The following PDGFD variants were observed in gnomAD, a reference collection of about 807,000 sequenced individuals.
PDGFD encodes the protein platelet derived growth factor D, also known as platelet-derived growth factor D.
A neutral mutation model predicts 44.7 loss-of-function variants in PDGFD; 30 were observed. The observed-to-expected ratio is 0.67, with a 90% CI of 0.50 to 0.91. PDGFD has a LOEUF of 0.91. Ranked by LOEUF, PDGFD falls within the 40% of genes least tolerant of loss-of-function variation. The pLI is 0.00. For missense variants in PDGFD, 445 were observed against 457.8 expected (o/e 0.97, Z 0.25); for synonymous variants, 173 against 168.4 (o/e 1.03, Z -0.21).
chr11:103,926,810 T>C, intron 6 of PDGFD, 102 bp downstream of exon 6: 1 of 1,211,080 alleles, frequency 8.3e-7, no homozygotes, highest in Non-Finnish European at 1.2e-6. Context: ...CCTGGCTGGG[T>C]GCCCTTGTGC....
intron 1 of PDGFD, among the ~76,000 whole-genome samples, chr11:104,006,430 A>G (rs1859702490): frequency 6.6e-6 from 1 of 152,200 alleles, no homozygotes; most frequent in African/African-American, 2.4e-5. Context: ...TCCTTGACTG[A>G]CAACCTGTTG....
chr11:104,035,133 C>A (rs1309928021), intron 1 of PDGFD, among the ~76,000 whole-genome samples: 1 of 151,986 alleles, frequency 6.6e-6, no homozygotes, highest in Non-Finnish European at 1.5e-5. Context: ...TCTAGGGTGG[C>A]ATCCTTAATG....
At chr11:103,981,792 G>C (rs758875981) in intron 3 of PDGFD, among the ~76,000 whole-genome samples, 2 of 151,726 alleles carry the variant, frequency 1.3e-5, no homozygotes, top group Non-Finnish European at 2.9e-5. Flanking sequence ...CCAGAGACCT[G>C]TGACAATTAT....
intron 1 of PDGFD, among the ~76,000 whole-genome samples, chr11:104,004,872 C>CTTTTTTTTTTTTTT (rs33979812): frequency 2.8e-5 from 2 of 71,892 alleles, no homozygotes; most frequent in Admixed American, 2.4e-4. Context: ...TTATTACCAC[C>CTTTTTTTTTTTTTT]TTTTTTTTTT....
rs1235495663 is a variant in PDGFD at position 103,943,735 on chromosome 11, T to C, written c.574-85A>G. The C allele has an allele frequency of 2.6e-6, 3 of 1,140,530 alleles. No individual in the cohort carries two copies. The East Asian group carries it at 7.7e-5, about 29-fold the overall frequency. The allele number at this position is 1,140,530 out of a possible 1,614,324, so 70.7% of individuals were successfully genotyped here. On this transcript the variant is annotated intron_variant, in intron 4 of 6. Coordinates refer to ENST00000393158, the MANE Select transcript of PDGFD (RefSeq NM_025208.5). ...GTCATTCAACTATACGGAAGGAACA[T>C]AAACAGGCTTCTGAGTATAAGACAT... is the stretch of plus-strand genomic sequence containing the variant.
chr11:104,004,736 T>C (rs1454002250), intron 1 of PDGFD, among the ~76,000 whole-genome samples: 1 of 152,126 alleles, frequency 6.6e-6, no homozygotes, highest in Non-Finnish European at 1.5e-5. Flanking sequence ...ATTATGCTTA[T>C]TTTGTGCCTG....
chr11:103,912,877 A>G (rs10895537), intron 6 of PDGFD, among the ~76,000 whole-genome samples: 59,782 of 151,706 alleles, frequency 0.39, 11,982 homozygotes, highest in African/African-American at 0.45. Context: ...AGATCAAAAG[A>G]GACAAAGAAG....
chr11:104,027,527 A>G (rs1333072766), intron 1 of PDGFD, among the ~76,000 whole-genome samples: 1 of 152,248 alleles, frequency 6.6e-6, no homozygotes, highest in South Asian at 2.1e-4. Context: ...CATTTTACAT[A>G]AGAGGATAAT....
chr11:103,962,418 G>C (rs944358984), intron 3 of PDGFD, among the ~76,000 whole-genome samples: 1 of 152,140 alleles, frequency 6.6e-6, no homozygotes, highest in African/African-American at 2.4e-5. Context: ...ATTACTAAAA[G>C]CTATGTCTAA....
chr11:103,980,943 C>A (rs1259089569), intron 3 of PDGFD, among the ~76,000 whole-genome samples: 1 of 152,012 alleles, frequency 6.6e-6, no homozygotes, highest in Non-Finnish European at 1.5e-5. Flanking sequence ...CTATAAGCCA[C>A]GAAGTCTAAG....
chr11:104,070,215 G>A (rs1860854636), intron 1 of PDGFD, among the ~76,000 whole-genome samples: 1 of 152,142 alleles, frequency 6.6e-6, no homozygotes, highest in South Asian at 2.1e-4. Flanking sequence ...ACGGTATTTA[G>A]AACCCACAAC....
rs553556920 is a variant in PDGFD, at chr11:104,033,331, C to T, written c.125-33076G>A. Among the ~76,000 whole-genome samples the T allele has an allele frequency of 1.4e-4, 21 of 152,172 alleles. No homozygotes were observed. In the South Asian group the frequency reaches 1.7e-3, roughly 12 times the overall value. ...TGGATGGGTGGCTGGACTATGGAATCCAAGGGATCCCTGCCAACCCTGACA... is the reference window on the plus strand; with the variant it reads ...TGGATGGGTGGCTGGACTATGGAATTCAAGGGATCCCTGCCAACCCTGACA... On this transcript the variant is annotated intron_variant, in intron 1 of 6. Transcript: ENST00000393158.
At chr11:104,037,495 G>GA in intron 1 of PDGFD, 2 of 1,614,140 alleles carry the variant, frequency 1.2e-6, no homozygotes, top group Non-Finnish European at 1.7e-6. Flanking sequence ...AAACATTGAA[G>GA]AAAACATGAA....
At chr11:104,126,061 C>G (rs2119826463) in intron 1 of PDGFD, among the ~76,000 whole-genome samples, 1 of 152,262 alleles carries the variant, frequency 6.6e-6, no homozygotes, top group South Asian at 2.1e-4. Flanking sequence ...GAAATCCTTT[C>G]CTGCCACTCC....
intron 1 of PDGFD, among the ~76,000 whole-genome samples, chr11:104,080,049 C>T (rs1861021880): frequency 6.6e-6 from 1 of 152,148 alleles, no homozygotes; most frequent in South Asian, 2.1e-4. Flanking sequence ...ATGAGTTACT[C>T]TTAGTCTTCC....
chr11:104,144,273 G>A (rs145500984), intron 1 of PDGFD, among the ~76,000 whole-genome samples: 196 of 152,098 alleles, frequency 1.3e-3, no homozygotes, highest in African/African-American at 3.7e-3. Flanking sequence ...TCCAGAGGCC[G>A]AAGTGGGTGG....
At chr11:104,004,620 A>G (rs1565308431) in intron 1 of PDGFD, among the ~76,000 whole-genome samples, 1 of 152,242 alleles carries the variant, frequency 6.6e-6, no homozygotes, top group East Asian at 1.9e-4. Flanking sequence ...CAGTATTTTG[A>G]ACTACAGGGG....
chr11:104,136,696 T>C (rs1188716551), intron 1 of PDGFD, among the ~76,000 whole-genome samples: 1 of 152,222 alleles, frequency 6.6e-6, no homozygotes, highest in African/African-American at 2.4e-5. Flanking sequence ...CAAATACACC[T>C]TTCCAATAGT....
At chr11:103,930,242 C>T (rs1224105504) in intron 5 of PDGFD, among the ~76,000 whole-genome samples, 1 of 152,122 alleles carries the variant, frequency 6.6e-6, no homozygotes, top group Non-Finnish European at 1.5e-5. Context: ...CTGCACAGTG[C>T]ACAGGGGCGC....
Sources: allele counts gnomAD v4.1 joint callset (sites outside exome capture counted in the v4.1 genomes callset), GRCh38; gene constraint gnomAD v4.1.1; transcripts MANE v1.5; gene names NCBI Gene and HGNC (gene_info 2026-07-23, HGNC 2026-07-21).